The following EXOC6B variants were observed in gnomAD, a reference collection of about 807,000 sequenced individuals.
EXOC6B encodes the protein SEC15 homolog B.
EXOC6B carries 54 observed loss-of-function variants against 113.5 expected under a neutral mutation model. The observed-to-expected ratio is 0.48, with a 90% CI of 0.38 to 0.60. The LOEUF (loss-of-function observed/expected upper bound fraction) is 0.60, where lower values mean the gene tolerates loss of function less well. Ranked by LOEUF, EXOC6B falls within the 20% of genes least tolerant of loss-of-function variation. The pLI, the probability that EXOC6B is intolerant of heterozygous loss-of-function variation, is 0.00. For synonymous variants in EXOC6B, 357 were observed against 339.0 expected, an observed-to-expected ratio of 1.05 and a Z score of -0.58; for missense variants, 797 against 977.5, an observed-to-expected ratio of 0.82 and a Z score of 2.46.
chr2:72,508,397 T>A (rs1700723795), intron 11 of EXOC6B, among the ~76,000 whole-genome samples: 1 of 152,146 alleles, frequency 6.6e-6, no homozygotes, highest in South Asian at 2.1e-4. Flanking sequence ...ACAAAGTGAT[T>A]CTCAAGTTGA....
intron 6 of EXOC6B, among the ~76,000 whole-genome samples, chr2:72,655,215 T>A (rs939055086): frequency 6.6e-6 from 1 of 152,170 alleles, no homozygotes; most frequent in African/African-American, 2.4e-5. Context: ...AAACTCCCTA[T>A]GATTACTTAC....
At chr2:72,513,024 C>T in intron 11 of EXOC6B, 108 bp downstream of exon 11, 2 of 1,301,644 alleles carry the variant, frequency 1.5e-6, no homozygotes, top group Non-Finnish European at 2.1e-6. Flanking sequence ...TCTATAGCTC[C>T]AAGTGAGTGA....
chr2:72,751,945 T>C (rs1682068960), intron 1 of EXOC6B, among the ~76,000 whole-genome samples: 2 of 152,186 alleles, frequency 1.3e-5, no homozygotes, highest in African/African-American at 2.4e-5. Context: ...CATTTAGAAC[T>C]GGCTGCCTAT....
intron 8 of EXOC6B, among the ~76,000 whole-genome samples, chr2:72,546,996 A>G (rs1285512125): frequency 6.6e-6 from 1 of 152,224 alleles, no homozygotes; most frequent in African/African-American, 2.4e-5. Context: ...TTCTGGGTCT[A>G]TGGATGAGAT....
chr2:72,233,885 G>C (rs1197449798), intron 20 of EXOC6B, among the ~76,000 whole-genome samples: 2 of 152,120 alleles, frequency 1.3e-5, no homozygotes, highest in African/African-American at 4.8e-5. Context: ...ATGCCTGCTA[G>C]AGCTTCCAGC....
Position 72,733,107 on chromosome 2 carries a change from C to A in EXOC6B, c.291G>T (p.Thr97=). 6.3e-7 allele frequency: 1 copy of A among 1,591,500 alleles called. No individual in the cohort carries two copies. Among genetic ancestry groups the A allele is most frequent in the Non-Finnish European group, 8.6e-7 (1 of 1,166,594 alleles). Residue 97 remains threonine (T), a synonymous_variant, in exon 3 of 22, where the codon ACG becomes ACT. Coordinates refer to ENST00000272427, the MANE Select transcript of EXOC6B (RefSeq NM_015189.3). ...GEAQKLKNQV[T]DTNRKLQHEG... is the part of the protein sequence containing the mutation. Reference sequence around the variant, plus strand: ...CATGTTGTAGTTTTCTATTAGTATCCGTCACTTGATTCTGTGGAGAGAAGA... The same window carrying A: ...CATGTTGTAGTTTTCTATTAGTATCAGTCACTTGATTCTGTGGAGAGAAGA...
chr2:72,716,515 T>G, intron 6 of EXOC6B, among the ~76,000 whole-genome samples: 1 of 152,136 alleles, frequency 6.6e-6, no homozygotes, highest in East Asian at 1.9e-4. Context: ...ATAGGAGAAA[T>G]GAAGATTTCT....
chr2:72,211,625 G>T (rs1040631306), intron 20 of EXOC6B, among the ~76,000 whole-genome samples: 1 of 152,154 alleles, frequency 6.6e-6, no homozygotes. Flanking sequence ...GAATCACCAT[G>T]CATAATGAGG....
At chr2:72,504,624 G>A (rs1700504144) in intron 11 of EXOC6B, among the ~76,000 whole-genome samples, 1 of 152,084 alleles carries the variant, frequency 6.6e-6, no homozygotes, top group South Asian at 2.1e-4. Context: ...GTTTATTATG[G>A]TGTATTATGG....
At chr2:72,690,762 T>C (rs1458057089) in intron 6 of EXOC6B, among the ~76,000 whole-genome samples, 1 of 152,170 alleles carries the variant, frequency 6.6e-6, no homozygotes, top group African/African-American at 2.4e-5. Context: ...GGCACAACAA[T>C]ACAGAGAAAG....
intron 7 of EXOC6B, among the ~76,000 whole-genome samples, chr2:72,571,036 AAT>A (rs1704482820): frequency 6.6e-6 from 1 of 152,170 alleles, no homozygotes; most frequent in African/African-American, 2.4e-5. Context: ...TCTCAAAACT[AAT>A]ATGTTATCTT....
intron 20 of EXOC6B, among the ~76,000 whole-genome samples, chr2:72,266,847 A>T (rs1239574600): frequency 6.6e-6 from 1 of 152,192 alleles, no homozygotes; most frequent in South Asian, 2.1e-4. Flanking sequence ...TACCTTGGGC[A>T]GTATGGCCAT....
intron 18 of EXOC6B, among the ~76,000 whole-genome samples, chr2:72,403,615 G>C (rs1213772502): frequency 1.3e-5 from 2 of 152,174 alleles, no homozygotes; most frequent in Non-Finnish European, 2.9e-5. Flanking sequence ...GATGGCTTGA[G>C]ACCAGGAGTT....
chr2:72,524,731 A>G (rs898627335), intron 8 of EXOC6B, among the ~76,000 whole-genome samples: 39 of 152,202 alleles, frequency 2.6e-4, no homozygotes, highest in African/African-American at 9.4e-4. Flanking sequence ...TACCCCACAA[A>G]TATATACACC....
intron 8 of EXOC6B, among the ~76,000 whole-genome samples, chr2:72,532,963 G>A (rs1450548641): frequency 6.6e-6 from 1 of 152,118 alleles, no homozygotes; most frequent in Non-Finnish European, 1.5e-5. Context: ...CTACACAGTA[G>A]AAATAAATTT....
chr2:72,699,695 T>C (rs1395320212), intron 6 of EXOC6B, among the ~76,000 whole-genome samples: 7 of 152,098 alleles, frequency 4.6e-5, no homozygotes, highest in Admixed American at 6.6e-5. Context: ...TAACAGACTT[T>C]AGCCTGATTA....
intron 1 of EXOC6B, among the ~76,000 whole-genome samples, chr2:72,807,300 T>C (rs1685631946): frequency 6.6e-6 from 1 of 152,194 alleles, no homozygotes; most frequent in East Asian, 1.9e-4. Context: ...TTGCTTGTTT[T>C]TGTTGATTTT....
chr2:72,373,667 C>G (rs1435324585), intron 19 of EXOC6B, among the ~76,000 whole-genome samples: 2 of 152,122 alleles, frequency 1.3e-5, no homozygotes, highest in African/African-American at 4.8e-5. Context: ...AAAAGGTGCT[C>G]AACATAATCG....
At chr2:72,476,194 C>T (rs1056708134) in intron 17 of EXOC6B, among the ~76,000 whole-genome samples, 1 of 152,228 alleles carries the variant, frequency 6.6e-6, no homozygotes, top group Non-Finnish European at 1.5e-5. Flanking sequence ...GATTTCAGGA[C>T]TCCATAGTGG....
Sources: allele counts gnomAD v4.1 joint callset (sites outside exome capture counted in the v4.1 genomes callset), GRCh38; gene constraint gnomAD v4.1.1; transcripts MANE v1.5; gene names NCBI Gene and HGNC (gene_info 2026-07-23, HGNC 2026-07-21).